OSBPL10: variants seen among roughly 807,000 people sequenced by gnomAD.
OSBPL10 encodes the protein oxysterol binding protein like 10, also known as oxysterol-binding protein-related protein 10.
OSBPL10 carries 49 observed loss-of-function variants against 81.7 expected under a neutral mutation model. The observed-to-expected ratio is 0.60, with a 90% confidence interval of 0.48 to 0.76. The LOEUF (loss-of-function observed/expected upper bound fraction) is 0.76. OSBPL10 is among the 30% of genes least tolerant of loss of function. The pLI is 0.00. For synonymous variants in OSBPL10, 419 were observed against 383.6 expected, an observed-to-expected ratio of 1.09 and a Z score of -1.08; for missense variants, 923 against 987.8, an observed-to-expected ratio of 0.93 and a Z score of 0.88.
chr3:31,923,387 A>G (rs1322077223), intron 1 of OSBPL10, among the ~76,000 whole-genome samples: 2 of 152,232 alleles, frequency 1.3e-5, no homozygotes, highest in Admixed American at 6.5e-5. Flanking sequence ...GTAAACAAAC[A>G]TGGTCATTAA....
chr3:31,965,762 AAAGAT>A (rs1225460243), intron 1 of OSBPL10, among the ~76,000 whole-genome samples: 9 of 61,146 alleles, frequency 1.5e-4, no homozygotes, highest in East Asian at 1.4e-3. Flanking sequence ...TATTATATTA[AAAGAT>A]AATATATATT....
At chr3:31,964,898 C>A (rs1277081265) in intron 1 of OSBPL10, among the ~76,000 whole-genome samples, 1 of 152,130 alleles carries the variant, frequency 6.6e-6, no homozygotes, top group Non-Finnish European at 1.5e-5. Context: ...GGTGTACTTT[C>A]TTTCCAGACC....
chr3:31,879,442 CTTAATT>C (rs1437506843), intron 2 of OSBPL10: 3 of 540,772 alleles, frequency 5.5e-6, no homozygotes, highest in Non-Finnish European at 9.7e-6. Context: ...TTCCTTTGTC[CTTAATT>C]CCTCAGTTAA....
intron 2 of OSBPL10, among the ~76,000 whole-genome samples, chr3:32,026,011 C>CATAGATAGATAGATAGATAGATAAATAG (rs1699402176): frequency 2.3e-5 from 3 of 128,284 alleles, no homozygotes; most frequent in African/African-American, 9.3e-5. Flanking sequence ...TATATACAGA[C>CATAGATAGATAGATAGATAGATAAATAG]ATAGATAGAT....
intron 1 of OSBPL10, among the ~76,000 whole-genome samples, chr3:31,979,966 A>AT (rs576738994): frequency 3.3e-3 from 500 of 151,114 alleles, no homozygotes; most frequent in Non-Finnish European, 4.3e-3. Context: ...GGGGGAGGGT[A>AT]TTTTTTCTTT....
chr3:32,053,390 C>A (rs1463846754), intron 1 of OSBPL10, among the ~76,000 whole-genome samples: 1 of 152,148 alleles, frequency 6.6e-6, no homozygotes, highest in African/African-American at 2.4e-5. Flanking sequence ...AAAAGAAATT[C>A]TGTGTGTGAA....
chr3:31,801,825 G>T (rs984143552), intron 4 of OSBPL10, among the ~76,000 whole-genome samples: 5 of 148,422 alleles, frequency 3.4e-5, no homozygotes, highest in African/African-American at 1.3e-4. Flanking sequence ...TTCTTTTTTT[G>T]TTGTTTTTTT....
chr3:31,918,294 T>A (rs1369966447), intron 1 of OSBPL10, among the ~76,000 whole-genome samples: 1 of 150,928 alleles, frequency 6.6e-6, no homozygotes, highest in Non-Finnish European at 1.5e-5. Context: ...AACAAAAACA[T>A]CTAGAAGACA....
chr3:32,077,630 A>G (rs761591077), upstream of OSBPL10: 2 of 152,186 alleles, frequency 1.3e-5, no homozygotes, highest in Non-Finnish European at 2.9e-5. Flanking sequence ...CACACTGCAC[A>G]TGCTCACCTC....
In OSBPL10 at chr3:31,965,374, A is replaced by T. The variant is rs28859121; in HGVS notation, c.281+15525T>A. The stretch of plus-strand genomic sequence containing the variant: ...GACAGAGCAAGACTCCATCTCAAAA[A>T]ATATATATATTATGTATAATATATA... On this transcript the variant is annotated intron_variant, in intron 1 of 11. Coordinates refer to ENST00000396556, the MANE Select transcript of OSBPL10 (RefSeq NM_017784.5). Among the ~76,000 whole-genome samples the T allele has an allele frequency of 3.4e-5, 4 of 117,122 alleles. 1 individual carries two copies. The highest frequency in any genetic ancestry group is 1.4e-4 in the African/African-American group (4 of 28,654). 76.8% of individuals were successfully genotyped at this position (117,122 alleles called of 152,430 possible).
At chr3:32,006,953 A>G (rs1279856101) in intron 2 of OSBPL10, among the ~76,000 whole-genome samples, 1 of 151,982 alleles carries the variant, frequency 6.6e-6, no homozygotes, top group African/African-American at 2.4e-5. Context: ...ATTTTTGTAG[A>G]GATGTGGTCT....
At chr3:31,819,868 T>C (rs1262082517) in intron 4 of OSBPL10, among the ~76,000 whole-genome samples, 1 of 152,238 alleles carries the variant, frequency 6.6e-6, no homozygotes, top group Non-Finnish European at 1.5e-5. Context: ...ATGGGATAGA[T>C]TCAACAGAAA....
At chr3:31,980,802 C>T in intron 1 of OSBPL10, 97 bp downstream of exon 1, 5 of 1,347,604 alleles carry the variant, frequency 3.7e-6, no homozygotes, top group South Asian at 1.8e-5. Context: ...CACAATCGCG[C>T]GCGCACACAC....
chr3:31,944,724 A>T (rs1006019901), intron 1 of OSBPL10, among the ~76,000 whole-genome samples: 3 of 151,742 alleles, frequency 2.0e-5, no homozygotes, highest in African/African-American at 7.3e-5. Context: ...TCCATCAGCC[A>T]ATCTGGTTGC....
At chr3:31,934,512 G>T (rs896596982) in intron 1 of OSBPL10, among the ~76,000 whole-genome samples, 1 of 151,608 alleles carries the variant, frequency 6.6e-6, no homozygotes, top group African/African-American at 2.4e-5. Flanking sequence ...AGGTTCAAGG[G>T]ATTCTCCTGC....
At position 31,830,190 on chromosome 3, in the gene OSBPL10, T is replaced by C. The variant is rs1307103187; in HGVS notation, c.579A>G (p.Pro193=). The C allele has an allele frequency of 1.2e-6, 2 of 1,614,012 alleles. No homozygotes were observed. Among genetic ancestry groups the C allele is most frequent in the African/African-American group, 2.7e-5 (2 of 74,922 alleles). Residue 193 remains proline (P), a synonymous_variant, in exon 4 of 12, where the codon CCA becomes CCG. Transcript: ENST00000396556. ...GAGACGCAGAATTGGGTGTTCCATG[T>C]GGGAGCAAAGTGAGACTTCGGCTTC... The part of the protein sequence containing the change: ...SSRSRSLTLL[P]HGTPNSASPC...
intron 2 of OSBPL10, among the ~76,000 whole-genome samples, chr3:32,017,514 A>C (rs973263393): frequency 2.0e-5 from 3 of 152,198 alleles, no homozygotes; most frequent in Non-Finnish European, 4.4e-5. Context: ...GATTCAAAAA[A>C]AAAAAAATTC....
rs755844281 is a variant in OSBPL10 at position 31,989,684 on chromosome 3, A to G, written n.298+56807T>C. The G allele has an allele frequency of 9.3e-6, 15 of 1,613,862 alleles. No individual in the cohort carries two copies. In the Middle Eastern group the frequency reaches 8.2e-4, roughly 88 times the overall value. The stretch of plus-strand genomic sequence containing the variant: ...AGAATTTCTTCTAGGCCCAAAATCC[A>G]TATTTCTAATAACTATGAAAATAAT... On this transcript the variant is annotated intron_variant and non_coding_transcript_variant, in intron 2 of 3. Transcript: ENST00000479173.
chr3:31,823,878 G>A (rs1198953213), intron 4 of OSBPL10, among the ~76,000 whole-genome samples: 1 of 150,480 alleles, frequency 6.6e-6, no homozygotes, highest in Non-Finnish European at 1.5e-5. Context: ...GTGAAATGGA[G>A]TTTGGCTCTA....
Sources: allele counts gnomAD v4.1 joint callset (sites outside exome capture counted in the v4.1 genomes callset), GRCh38; gene constraint gnomAD v4.1.1; transcripts MANE v1.5; gene names NCBI Gene and HGNC (gene_info 2026-07-23, HGNC 2026-07-21).